The following HDHD2 variants were observed in gnomAD, a reference collection of about 807,000 sequenced individuals.
The protein encoded by HDHD2 is haloacid dehalogenase like hydrolase domain containing 2, also known as haloacid dehalogenase-like hydrolase domain-containing protein 2.
A neutral mutation model predicts 24.8 loss-of-function variants in HDHD2; 26 were observed. The observed-to-expected ratio is 1.05, with a 90% CI of 0.77 to 1.45. HDHD2 has a LOEUF of 1.45. Among genes scored for constraint, HDHD2 ranks in the 40% most tolerant of loss-of-function variants. The probability of loss-of-function intolerance (pLI) is 0.00; values close to 1 mark genes in which losing one functional copy is unlikely to be tolerated. For missense variants in HDHD2, 299 were observed against 313.4 expected (o/e 0.95, Z 0.35); for synonymous variants, 128 against 114.9 (o/e 1.11, Z -0.73).
chr18:47,135,100 C>G (rs2063751740), intron 2 of HDHD2, among the ~76,000 whole-genome samples: 1 of 151,986 alleles, frequency 6.6e-6, no homozygotes, highest in South Asian at 2.1e-4. Flanking sequence ...ATCATGACTC[C>G]TAACTAAATT....
chr18:47,110,729 C>T, intron 6 of HDHD2: 5 of 985,362 alleles, frequency 5.1e-6, no homozygotes, highest in Non-Finnish European at 6.0e-6. Flanking sequence ...CCTGTGCTTT[C>T]ATGGATGGAT....
intron 4 of HDHD2, among the ~76,000 whole-genome samples, chr18:47,129,643 G>T (rs538017507): frequency 2.0e-5 from 3 of 152,260 alleles, no homozygotes; most frequent in African/African-American, 7.2e-5. Context: ...GTGGTCAAAT[G>T]TGTCAACTCT....
chr18:47,112,875 A>G, intron 6 of HDHD2, 102 bp downstream of exon 6: 1 of 950,576 alleles, frequency 1.1e-6, no homozygotes, highest in South Asian at 1.4e-5. Flanking sequence ...GGAAGAGAAT[A>G]AAAGTGCCCA....
At chr18:47,133,497 T>TTGGGTATATACCCAG (rs570277112) in intron 3 of HDHD2, among the ~76,000 whole-genome samples, 30,014 of 83,148 alleles carry the variant, frequency 0.36, 6,987 homozygotes, top group Middle Eastern at 0.45. Context: ...TTATAGTCCT[T>TTGGGTATATACCCAG]TAATGGGATG....
chr18:47,134,692 A>G lies in HDHD2; in HGVS notation c.114T>C (p.Ala38=), dbSNP rs1283550036. The G allele has an allele frequency of 1.2e-6, 2 of 1,613,944 alleles. No homozygotes were observed. Among genetic ancestry groups the G allele is most frequent in the African/African-American group, 2.7e-5 (2 of 74,932 alleles). The change falls in exon 3 of 7, where the codon GCT becomes GCC. Residue 38 remains alanine, a synonymous_variant. Coordinates refer to ENST00000300605, the MANE Select transcript of HDHD2 (RefSeq NM_032124.5). ...AQEALKRLRG[A]SVIIRFVTNT... is the part of the protein sequence containing the mutation. ...TGGTCACAAACCTAATGATTACAGA[A>G]GCACCACGTAACCTGGAGAGGGCCA...
At chr18:47,123,284 T>TA (rs1273231806) in intron 4 of HDHD2, among the ~76,000 whole-genome samples, 1 of 152,134 alleles carries the variant, frequency 6.6e-6, no homozygotes, top group African/African-American at 2.4e-5. Flanking sequence ...AGCAAATAAA[T>TA]ATGAAATTTA....
chr18:47,135,661 TA>T (rs1166884867), intron 2 of HDHD2, among the ~76,000 whole-genome samples: 1 of 152,244 alleles, frequency 6.6e-6, no homozygotes, highest in East Asian at 1.9e-4. Context: ...AAAACTTCTC[TA>T]AATTATTTTA....
chr18:47,110,268 CT>C (rs2063504997), intron 6 of HDHD2: 1 of 985,256 alleles, frequency 1.0e-6, no homozygotes, highest in Admixed American at 6.2e-5. Flanking sequence ...ATTATAACTT[CT>C]TACAGGAAGG....
intron 4 of HDHD2, among the ~76,000 whole-genome samples, chr18:47,128,915 A>T (rs985370250): frequency 6.6e-6 from 1 of 152,186 alleles, no homozygotes; most frequent in African/African-American, 2.4e-5. Flanking sequence ...TTTCTGTAGT[A>T]TATACATGAA....
At chr18:47,148,460 G>A (rs1296838314) in intron 1 of HDHD2, among the ~76,000 whole-genome samples, 1 of 152,112 alleles carries the variant, frequency 6.6e-6, no homozygotes, top group Non-Finnish European at 1.5e-5. Flanking sequence ...AATTACATGG[G>A]ACACCCCTTA....
rs147692855 is a variant in HDHD2 at position 47,134,703 on chromosome 18, A to G, written c.103T>C (p.Leu35=). The G allele has an allele frequency of 8.8e-5, 142 of 1,612,916 alleles. 1 individual carries two copies. In the African/African-American group the frequency reaches 1.6e-3, roughly 18 times the overall value. Residue 35 remains leucine (L), a splice_region_variant and synonymous_variant, in exon 3 of 7, where the codon TTA becomes CTA. Coordinates refer to ENST00000300605, the MANE Select transcript of HDHD2 (RefSeq NM_032124.5). ...VPGAQEALKR[L]RGASVIIRFV... is the part of the protein sequence containing the mutation. The stretch of plus-strand genomic sequence containing the variant: ...CTAATGATTACAGAAGCACCACGTA[A>G]CCTGGAGAGGGCCAAATTCAGAAGT...
chr18:47,137,759 C>T (rs775426474), intron 1 of HDHD2, among the ~76,000 whole-genome samples: 4 of 151,656 alleles, frequency 2.6e-5, no homozygotes, highest in Non-Finnish European at 5.9e-5. Flanking sequence ...ACTTTTTCTG[C>T]GTAGCTGTTA....
chr18:47,115,735 T>G (rs2144290055), intron 4 of HDHD2, among the ~76,000 whole-genome samples: 1 of 152,252 alleles, frequency 6.6e-6, no homozygotes, highest in Middle Eastern at 3.4e-3. Flanking sequence ...TCCTGAGCCT[T>G]TTACAATACT....
intron 6 of HDHD2, chr18:47,110,784 T>C: frequency 1.5e-5 from 15 of 985,022 alleles, no homozygotes; most frequent in Non-Finnish European, 1.7e-5. Flanking sequence ...GTTGATGATA[T>C]ATGAAGGCAA....
intron 5 of HDHD2, among the ~76,000 whole-genome samples, chr18:47,114,585 C>G (rs115738675): frequency 6.6e-6 from 1 of 152,156 alleles, no homozygotes; most frequent in African/African-American, 2.4e-5. Context: ...AAGGTGCTCA[C>G]GGCCACAGGT....
rs1349137599 is a variant in HDHD2, at chr18:47,107,938, A to C, written c.*744T>G. 6.5e-6 allele frequency: 1 copy of C among 152,690 alleles called. No homozygotes were observed. The highest frequency in any genetic ancestry group is 1.5e-5 in the Non-Finnish European group (1 of 68,048). The allele number at this position is 152,690 out of a possible 1,614,324, so 9.5% of individuals were successfully genotyped here. A position where few individuals can be genotyped will look rare whatever the true frequency, so the allele number is the denominator to read the frequency against. ...ACAATGTCTAATTAAAACATCTGTAAAATACTGATAGTTTTAATTTTACAT... is the reference window on the plus strand; with the variant it reads ...ACAATGTCTAATTAAAACATCTGTACAATACTGATAGTTTTAATTTTACAT... On this transcript the variant is annotated 3_prime_UTR_variant, in exon 7 of 7. Coordinates refer to ENST00000300605, the MANE Select transcript of HDHD2 (RefSeq NM_032124.5).
In HDHD2 at chr18:47,133,269, GT is replaced by G. The variant is rs568091002; in HGVS notation, c.310+1226del. Among the ~76,000 whole-genome samples the G allele has an allele frequency of 6.9e-4, 104 of 151,814 alleles. 1 individual carries two copies. Among genetic ancestry groups the G allele is most frequent in the African/African-American group, 2.4e-3 (100 of 41,366 alleles). On this transcript the variant is annotated intron_variant, in intron 3 of 6. Transcript: ENST00000300605. ...TGTTTGGTTTTCTGTCCTTGCAATAGTTTGCTGAGAATGGTGGTTTCCAGCT... is the reference window on the plus strand; with the variant it reads ...TGTTTGGTTTTCTGTCCTTGCAATAGTTGCTGAGAATGGTGGTTTCCAGCT...
intron 4 of HDHD2, 113 bp from the exon 5 acceptor site, chr18:47,115,461 T>C: frequency 1.5e-6 from 1 of 661,826 alleles, no homozygotes. Flanking sequence ...AAACAAATAG[T>C]TTCTTATTAA....
intron 4 of HDHD2, among the ~76,000 whole-genome samples, chr18:47,118,511 T>C (rs938400664): frequency 6.6e-6 from 1 of 152,022 alleles, no homozygotes; most frequent in African/African-American, 2.4e-5. Flanking sequence ...TGTTCTCACT[T>C]ATAAGTGGGA....
Sources: allele counts gnomAD v4.1 joint callset (sites outside exome capture counted in the v4.1 genomes callset), GRCh38; gene constraint gnomAD v4.1.1; transcripts MANE v1.5; gene names NCBI Gene and HGNC (gene_info 2026-07-23, HGNC 2026-07-21).